Variants in ZNFX1 observed in about 807,000 individuals in gnomAD.
ZNFX1 encodes NFX1-type zinc finger-containing protein 1.
In ZNFX1, 78 loss-of-function variants were observed where a neutral mutation model predicts 179.8. The ratio of observed to expected loss-of-function variants is 0.43; its 90% CI spans 0.36 to 0.52. ZNFX1 has a LOEUF of 0.52. ZNFX1 is among the 20% of genes least tolerant of loss of function. The pLI, the probability that ZNFX1 is intolerant of heterozygous loss-of-function variation, is 0.00. For missense variants in ZNFX1, 1,927 were observed against 2,386.6 expected (o/e 0.81, Z 4.01); for synonymous variants, 848 against 868.5 (o/e 0.98, Z 0.42).
chr20:49,251,777 C>A (rs893987589), intron 12 of ZNFX1, among the ~76,000 whole-genome samples, 155 bp from the exon 13 acceptor site: 1 of 151,942 alleles, frequency 6.6e-6, no homozygotes, highest in Non-Finnish European at 1.5e-5. Flanking sequence ...GCAGGAGGAT[C>A]ACTTCAGGTC....
chr20:49,277,409 G>A (rs1981601759), intron 1 of ZNFX1, among the ~76,000 whole-genome samples: 1 of 151,522 alleles, frequency 6.6e-6, no homozygotes, highest in African/African-American at 2.4e-5. Flanking sequence ...GGACGGAGGC[G>A]GCGGGGTGGG....
Position 49,264,793 on chromosome 20 carries a change from A to G in ZNFX1, c.2074T>C (p.Phe692Leu), listed in dbSNP as rs754775550. ...TTGTTCCTCAGCTCCCTTAGGGTGA[A>G]CTGCTTCAGGATTTCACTGTTGCTC... ...GRSNSEILKQ[F>L]TLRELRNKRE... Residue 692 changes from phenylalanine to leucine, a missense_variant, in exon 5 of 14, where the codon TTC (phenylalanine) becomes CTC (leucine). Physicochemically the swap from Phe to Leu is conservative, Grantham distance 22. Transcript: ENST00000396105. The G allele has an allele frequency of 1.2e-6, 2 of 1,614,148 alleles. No homozygotes were observed. Among genetic ancestry groups the G allele is most frequent in the African/African-American group, 1.3e-5 (1 of 75,020 alleles).
intron 7 of ZNFX1, among the ~76,000 whole-genome samples, chr20:49,259,109 C>CAAAAAAAA (rs1380256614): frequency 1.1e-5 from 1 of 92,048 alleles, no homozygotes; most frequent in Non-Finnish European, 2.6e-5. Flanking sequence ...GACTCAGTCT[C>CAAAAAAAA]AAAAAAAAAT....
intron 9 of ZNFX1, among the ~76,000 whole-genome samples, chr20:49,255,071 G>A (rs1980936353): frequency 6.9e-6 from 1 of 144,984 alleles, no homozygotes; most frequent in South Asian, 2.1e-4. Context: ...AAAAGACGGA[G>A]TCTTGCTCTG....
At chr20:49,258,994 T>C (rs1981048389) in intron 7 of ZNFX1, among the ~76,000 whole-genome samples, 1 of 150,870 alleles carries the variant, frequency 6.6e-6, no homozygotes, top group Non-Finnish European at 1.5e-5. Context: ...CCCAGCTACT[T>C]GGGAAGCTGA....
In ZNFX1 at chr20:49,249,331, G is replaced by C. The variant is rs747136976; in HGVS notation, c.3693C>G (p.Ile1231Met). ...CCTTGGCCAGCATCTGCATGTTTCC[G>C]ATGCAGTACATTCCCTTCTTGGCTC... ...LSRAKKGMYC[I>M]GNMQMLAKVP... Residue 1231 changes from isoleucine to methionine, a missense_variant, in exon 14 of 14, where the codon ATC (isoleucine) becomes ATG (methionine). By Grantham distance (10) the Ile-to-Met change is conservative. Transcript: ENST00000396105. The C allele has an allele frequency of 6.2e-7, 1 of 1,614,104 alleles. No individual in the cohort carries two copies. The highest frequency in any genetic ancestry group is 8.5e-7 in the Non-Finnish European group (1 of 1,180,042).
rs772901682 is a variant in ZNFX1, at chr20:49,270,257, G to A, written c.1555C>T (p.Leu519=). ...TAYFEAYRHV[L]EGLQEVQEED... is the part of the protein sequence containing the mutation. ...TCCTGGACCTCCTGGAGTCCTTCCA[G>A]GACGTGCCTGTAGGCCTCAAAGTAT... is the stretch of plus-strand genomic sequence containing the variant. The change falls in exon 3 of 14, where the codon CTG becomes TTG. Residue 519 remains leucine, a synonymous_variant. Transcript: ENST00000396105. The surrounding 1 kb of genome is among the most constrained non-coding windows in gnomAD (Gnocchi z 4.6). 6.2e-7 allele frequency: 1 copy of A among 1,614,066 alleles called. No individual in the cohort carries two copies. The highest frequency in any genetic ancestry group is 1.1e-5 in the South Asian group (1 of 91,090).
intron 3 of ZNFX1, 44 bp downstream of exon 3, chr20:49,269,898 T>C: frequency 6.5e-7 from 1 of 1,529,516 alleles, no homozygotes; most frequent in Non-Finnish European, 8.8e-7. Flanking sequence ...CCCTTGCTTA[T>C]CTTACAAAGC....
intron 6 of ZNFX1, among the ~76,000 whole-genome samples, chr20:49,261,627 C>T (rs1037875540): frequency 6.7e-6 from 1 of 150,128 alleles, no homozygotes; most frequent in African/African-American, 2.5e-5. Flanking sequence ...AGGTGATGTA[C>T]AACAAACCGC....
chr20:49,272,685 T>C (rs1279704546), intron 2 of ZNFX1, among the ~76,000 whole-genome samples: 1 of 152,180 alleles, frequency 6.6e-6, no homozygotes, highest in East Asian at 1.9e-4. Flanking sequence ...AGGGAAGTAC[T>C]ACCTGAATGC....
In ZNFX1 at chr20:49,263,316, C is replaced by T. The variant is rs1302959112; in HGVS notation, c.2301+18G>A. 2 of 1,611,144 alleles carry T rather than the reference C, an allele frequency of 1.2e-6. No homozygotes were observed. Among genetic ancestry groups the T allele is most frequent in the Non-Finnish European group, 1.7e-6 (2 of 1,179,076 alleles). On this transcript the variant is annotated intron_variant, in intron 6 of 13. Coordinates refer to ENST00000396105, the MANE Select transcript of ZNFX1 (RefSeq NM_021035.3). The stretch of plus-strand genomic sequence containing the variant: ...CTGAGGCCAGAGACATATTTGTGTC[C>T]CCCAGGATGACCCCTACCTGCACTG...
intron 6 of ZNFX1, 32 bp downstream of exon 6, chr20:49,263,302 G>C (rs374966216): frequency 1.2e-4 from 201 of 1,608,380 alleles, no homozygotes; most frequent in Non-Finnish European, 1.6e-4. Flanking sequence ...TGAGGCCAGA[G>C]ACATATTTGT....
rs1980729369 is a variant in ZNFX1 at position 49,248,159 on chromosome 20, CAGAT to C, written c.4861_4864del (p.Ile1621AlafsTer9). On this transcript the variant is annotated frameshift_variant, in exon 14 of 14. Coordinates refer to ENST00000396105, the MANE Select transcript of ZNFX1 (RefSeq NM_021035.3). LOFTEE classifies it high-confidence loss of function. The surrounding 1 kb of genome is among the most constrained non-coding windows in gnomAD (Gnocchi z 4.6). ...CAGGTTTTTGCGGATGGGCACCTGGCAGATAGGGCAGACTTTCAATCTGATGGCG... is the reference window on the plus strand; with the variant it reads ...CAGGTTTTTGCGGATGGGCACCTGGCAGGGCAGACTTTCAATCTGATGGCG... The C allele has an allele frequency of 6.2e-7, 1 of 1,614,038 alleles. No homozygotes were observed. The highest frequency in any genetic ancestry group is 8.5e-7 in the Non-Finnish European group (1 of 1,180,044).
At chr20:49,249,814 G>A (rs920111964) in intron 13 of ZNFX1, 103 bp from the exon 14 acceptor site, 2 of 1,314,102 alleles carry the variant, frequency 1.5e-6, no homozygotes, top group Non-Finnish European at 2.1e-6. Flanking sequence ...TCCAGAGAGA[G>A]ACCTTGGAAA....
rs771909257 is a variant in ZNFX1, at chr20:49,270,601, T to C, written c.1211A>G (p.Lys404Arg). The change falls in exon 3 of 14, where the codon AAG becomes AGG. Residue 404 changes from lysine (K) to arginine (R), a missense_variant. Coordinates refer to ENST00000396105, the MANE Select transcript of ZNFX1 (RefSeq NM_021035.3). This position sits in a 1 kb window ranked among gnomAD's most constrained non-coding sequence, Gnocchi z 4.6. ...SFEDQGLRKR[K>R]FDDIRIYFDT... ...AAAGTAGATTCGGATGTCATCAAAC[T>C]TTCTCTTCCTCAGGCCCTGGTCTTC... 53 of 1,614,074 alleles carry C rather than the reference T, an allele frequency of 3.3e-5. No homozygotes were observed. The South Asian group carries it at 5.7e-4, about 17-fold the overall frequency.
chr20:49,258,498 G>A (rs1981029890), intron 7 of ZNFX1, among the ~76,000 whole-genome samples: 1 of 152,154 alleles, frequency 6.6e-6, no homozygotes, highest in Admixed American at 6.5e-5. Flanking sequence ...AAAATCATAC[G>A]AATATATGCC....
Position 49,246,128 on chromosome 20 carries a change from C to T in ZNFX1, c.*1139G>A, listed in dbSNP as rs1022730118. Reference sequence around the variant, plus strand: ...AAGCTGCTGGCATGCTAGCTCTACCCAGGGAACAGCTCCAAGAGGGAGTGT... The same window carrying T: ...AAGCTGCTGGCATGCTAGCTCTACCTAGGGAACAGCTCCAAGAGGGAGTGT... On this transcript the variant is annotated 3_prime_UTR_variant, in exon 14 of 14. Coordinates refer to ENST00000396105, the MANE Select transcript of ZNFX1 (RefSeq NM_021035.3). 6.6e-6 allele frequency: 1 copy of T among 152,214 alleles called. No homozygotes were observed. The highest frequency in any genetic ancestry group is 1.5e-5 in the Non-Finnish European group (1 of 68,066). The allele number at this position is 152,214 out of a possible 1,614,324, so 9.4% of individuals were successfully genotyped here.
At chr20:49,251,386 C>T (rs1484618463) in intron 13 of ZNFX1, 141 bp downstream of exon 13, 3 of 583,330 alleles carry the variant, frequency 5.1e-6, no homozygotes, top group East Asian at 4.0e-5. Flanking sequence ...AGTGATCTGC[C>T]CACCTCAGCT....
rs1403506739 is a variant in ZNFX1 at position 49,249,652 on chromosome 20, C to T, written c.3372G>A (p.Glu1124=). 6 of 1,614,122 alleles carry T rather than the reference C, an allele frequency of 3.7e-6. No homozygotes were observed. Among genetic ancestry groups the T allele is most frequent in the South Asian group, 1.1e-5 (1 of 91,074 alleles). The change falls in exon 14 of 14, where the codon GAG becomes GAA. Residue 1124 remains glutamate, a synonymous_variant. Transcript: ENST00000396105. ...CATGCTGGTTCTGATGGCTTTTGCC[C>T]TCTTGGATTTCCTGTTCAGGAAAGT... ...EHNFPEQEIQ[E]GKSHQNQHEA...
Sources: gnomAD v4.1 joint callset for allele counts (sites outside exome capture counted in the v4.1 genomes callset) on GRCh38, gnomAD v4.1.1 for gene constraint, Gnocchi (gnomAD v3.1) non-coding constraint, MANE v1.5 for transcripts, NCBI Gene and HGNC (gene_info 2026-07-23, HGNC 2026-07-21) for gene names.